Variants in MYOF observed in about 807,000 individuals in gnomAD.
MYOF encodes fer-1-like 3, myoferlin.
MYOF carries 244 observed loss-of-function variants against 284.2 expected under a neutral mutation model. The observed-to-expected ratio is 0.86, with a 90% CI of 0.77 to 0.95. MYOF has a LOEUF of 0.95. Among genes scored for constraint, MYOF ranks in the 40% least tolerant of loss-of-function variants. The probability of loss-of-function intolerance (pLI) is 0.00; values close to 1 mark genes in which losing one functional copy is unlikely to be tolerated. For missense variants in MYOF, 2,496 were observed against 2,560.6 expected (o/e 0.97, Z 0.54); for synonymous variants, 904 against 919.7 (o/e 0.98, Z 0.31).
intron 50 of MYOF, among the ~76,000 whole-genome samples, chr10:93,315,528 G>A (rs972636246): frequency 1.3e-5 from 2 of 152,146 alleles, no homozygotes; most frequent in African/African-American, 4.8e-5. Flanking sequence ...GAGAGCAGGG[G>A]TGAGGTCAGG....
intron 5 of MYOF, among the ~76,000 whole-genome samples, chr10:93,412,254 G>A (rs1225433980): frequency 6.6e-6 from 1 of 152,182 alleles, no homozygotes; most frequent in Non-Finnish European, 1.5e-5. Context: ...TGAAGGACAT[G>A]TTATGCTCCT....
At position 93,379,957 on chromosome 10, in the gene MYOF, T is replaced by G; in HGVS notation, c.1907A>C (p.His636Pro). 4 of 1,614,028 alleles carry G rather than the reference T, an allele frequency of 2.5e-6. No homozygotes were observed. Among genetic ancestry groups the G allele is most frequent in the Non-Finnish European group, 1.7e-6 (2 of 1,179,946 alleles). The part of the protein sequence containing the change: ...GNYYYYLPWA[H>P]TKPVVTLTSY... ...AGTCAGGGTAACAACTGGCTTGGTG[T>G]GGGCCCAAGGCAAGTAATAATAGTA... is the stretch of plus-strand genomic sequence containing the variant. Residue 636 changes from histidine (H) to proline (P), a missense_variant, in exon 21 of 54, where the codon CAC becomes CCC. Coordinates refer to ENST00000359263, the MANE Select transcript of MYOF (RefSeq NM_013451.4).
At chr10:93,400,440 A>G (rs968923173) in intron 12 of MYOF, among the ~76,000 whole-genome samples, 1 of 151,104 alleles carries the variant, frequency 6.6e-6, no homozygotes, top group Non-Finnish European at 1.5e-5. Flanking sequence ...TGCTGGGATT[A>G]TAGGCATGAC....
chr10:93,482,241 T>A lies in MYOF; in HGVS notation c.-47A>T. 6.6e-7 allele frequency: 1 copy of A among 1,525,128 alleles called. No homozygotes were observed. The highest frequency in any genetic ancestry group is 9.1e-7 in the Non-Finnish European group (1 of 1,104,376). The allele number at this position is 1,525,128 out of a possible 1,614,324, so 94.5% of individuals were successfully genotyped here. ...AAGTTTCAGCAAACGAAGTGGAGAC[T>A]AGGGCGCTGGAGCTCCGGGTCGCAC... On this transcript the variant is annotated 5_prime_UTR_variant, in exon 1 of 54. Transcript: ENST00000359263.
chr10:93,407,943 A>G (rs1315738933), intron 7 of MYOF, among the ~76,000 whole-genome samples: 3 of 148,650 alleles, frequency 2.0e-5, no homozygotes, highest in Admixed American at 6.7e-5. Context: ...AGGAGACATC[A>G]TGTCCTCTCT....
intron 48 of MYOF, 58 bp downstream of exon 48, chr10:93,323,020 A>C: frequency 6.7e-7 from 1 of 1,501,220 alleles, no homozygotes; most frequent in Non-Finnish European, 9.3e-7. Context: ...ATGAAAACTC[A>C]CGAAGGAGAG....
At chr10:93,386,839 A>ACC in intron 19 of MYOF, among the ~76,000 whole-genome samples, 2 of 152,276 alleles carry the variant, frequency 1.3e-5, no homozygotes, top group Admixed American at 1.3e-4. Context: ...CAGACATCAG[A>ACC]CGACTAGAGG....
chr10:93,456,769 G>C (rs1361972802), intron 2 of MYOF, 113 bp downstream of exon 2: 1 of 758,840 alleles, frequency 1.3e-6, no homozygotes, highest in Non-Finnish European at 2.2e-6. Flanking sequence ...AGTGGGTGGG[G>C]GTGAAATGTA....
intron 17 of MYOF, among the ~76,000 whole-genome samples, chr10:93,392,538 GAT>G (rs1418163123): frequency 1.3e-5 from 2 of 152,164 alleles, no homozygotes; most frequent in African/African-American, 4.8e-5. Flanking sequence ...TCAACCTAGA[GAT>G]TCACGTTGAA....
intron 41 of MYOF, 78 bp downstream of exon 41, chr10:93,335,843 G>C (rs787689): frequency 0.67 from 1,017,984 of 1,526,604 alleles, 345,510 homozygotes; most frequent in East Asian, 0.96. Flanking sequence ...CCTCCCTAGA[G>C]CCTGGTTGTC....
chr10:93,423,492 C>T (rs1301977579), intron 5 of MYOF, among the ~76,000 whole-genome samples: 1 of 136,284 alleles, frequency 7.3e-6, no homozygotes. Context: ...CACCACTGCA[C>T]TCCAGCCTAG....
At chr10:93,307,774 A>T (rs1020423308) in intron 53 of MYOF, among the ~76,000 whole-genome samples, 1 of 150,114 alleles carries the variant, frequency 6.7e-6, no homozygotes, top group Admixed American at 6.6e-5. Flanking sequence ...ACAGGCGCCC[A>T]CCAACACGCT....
Position 93,320,024 on chromosome 10 carries a change from G to A in MYOF, c.5457-11C>T, listed in dbSNP as rs1027447256. 1.2e-6 allele frequency: 2 copies of A among 1,614,042 alleles called. No homozygotes were observed. The highest frequency in any genetic ancestry group is 1.7e-6 in the Non-Finnish European group (2 of 1,179,924). ...TTGCCAGGAATCCAGCTGAAAGGCA[G>A]AGGCAAACAGACTTAGCTTCACGTG... On this transcript the variant is annotated splice_polypyrimidine_tract_variant and intron_variant, in intron 48 of 53. Coordinates refer to ENST00000359263, the MANE Select transcript of MYOF (RefSeq NM_013451.4).
chr10:93,407,974 T>G (rs1847693521), intron 7 of MYOF, among the ~76,000 whole-genome samples: 1 of 152,042 alleles, frequency 6.6e-6, no homozygotes, highest in Non-Finnish European at 1.5e-5. Context: ...GAAGGGATCA[T>G]CAAGAAGTTA....
intron 49 of MYOF, among the ~76,000 whole-genome samples, chr10:93,319,222 A>G (rs61861284): frequency 0.27 from 40,945 of 152,126 alleles, 6,059 homozygotes; most frequent in Non-Finnish European, 0.34. Flanking sequence ...ATGTGAGCTG[A>G]GGCTGCCACT....
chr10:93,331,786 C>T (rs1275306576), intron 43 of MYOF, among the ~76,000 whole-genome samples: 2 of 151,962 alleles, frequency 1.3e-5, no homozygotes, highest in East Asian at 3.9e-4. Flanking sequence ...AGGCTACAAA[C>T]CAACAAACCC....
intron 45 of MYOF, among the ~76,000 whole-genome samples, chr10:93,326,297 A>G (rs760901102): frequency 4.6e-5 from 7 of 152,170 alleles, no homozygotes; most frequent in Non-Finnish European, 7.3e-5. Flanking sequence ...AGAGGAGGCC[A>G]TGTGACCAAG....
chr10:93,422,849 T>C (rs1047088144), intron 5 of MYOF, among the ~76,000 whole-genome samples: 4 of 152,100 alleles, frequency 2.6e-5, no homozygotes, highest in Admixed American at 2.6e-4. Flanking sequence ...TTATAAATAC[T>C]AACAAATGGT....
intron 24 of MYOF, among the ~76,000 whole-genome samples, chr10:93,371,810 G>A: frequency 6.6e-6 from 1 of 151,992 alleles, no homozygotes; most frequent in Middle Eastern, 3.2e-3. Context: ...TGTGTAATGA[G>A]TATTAACAAA....
Sources: allele counts gnomAD v4.1 joint callset (sites outside exome capture counted in the v4.1 genomes callset), GRCh38; gene constraint gnomAD v4.1.1; transcripts MANE v1.5; gene names NCBI Gene and HGNC (gene_info 2026-07-23, HGNC 2026-07-21).